Variants in RNF169 observed in about 807,000 individuals in gnomAD.
The protein encoded by RNF169 is E3 ubiquitin-protein ligase RNF169.
RNF169 carries 24 observed loss-of-function variants against 53.9 expected under a neutral mutation model. That is an observed-to-expected ratio of 0.45 (90% CI 0.32 to 0.63). RNF169 has a LOEUF of 0.63. Among genes scored for constraint, RNF169 ranks in the 20% least tolerant of loss-of-function variants. The probability of loss-of-function intolerance (pLI) is 0.04; values close to 1 mark genes in which losing one functional copy is unlikely to be tolerated. For missense variants in RNF169, 883 were observed against 906.2 expected, an observed-to-expected ratio of 0.97 and a Z score of 0.33; for synonymous variants, 396 against 363.5, an observed-to-expected ratio of 1.09 and a Z score of -1.02.
intron 4 of RNF169, among the ~76,000 whole-genome samples, chr11:74,827,338 A>C (rs1235370459): frequency 6.6e-6 from 1 of 152,216 alleles, no homozygotes; most frequent in East Asian, 1.9e-4. Context: ...CCCTGGGCCC[A>C]GCCCACGAAA....
intron 1 of RNF169, among the ~76,000 whole-genome samples, chr11:74,785,197 G>GTT (rs1491224972): frequency 1.8e-5 from 2 of 111,072 alleles, no homozygotes; most frequent in South Asian, 2.6e-4. Context: ...ATATATATAT[G>GTT]ATATATATAT....
intron 3 of RNF169, among the ~76,000 whole-genome samples, chr11:74,813,615 T>TA (rs1444139417): frequency 6.6e-6 from 1 of 152,246 alleles, no homozygotes; most frequent in Non-Finnish European, 1.5e-5. Context: ...AACATATAGA[T>TA]ACATTCATTT....
At position 74,767,373 on chromosome 11, in the gene RNF169, C is replaced by A. The variant is rs1016909684; in HGVS notation, c.502+17991C>A. Among the ~76,000 whole-genome samples, 172 of 151,930 alleles carry A rather than the reference C, an allele frequency of 1.1e-3. 1 individual carries two copies. The highest frequency in any genetic ancestry group is 4.0e-3 in the African/African-American group (165 of 41,446). ...TTTATCATTTATTATTTAAAAAAAA[C>A]TAGAACATGTGGAATAGGAGAAAGT... On this transcript the variant is annotated intron_variant, in intron 1 of 5. Transcript: ENST00000299563.
chr11:74,826,827 T>A (rs1318278854), intron 4 of RNF169, among the ~76,000 whole-genome samples: 1 of 152,236 alleles, frequency 6.6e-6, no homozygotes, highest in East Asian at 1.9e-4. Context: ...GTCACACTGG[T>A]GCAAGAGGTG....
chr11:74,840,597 A>C lies in RNF169; in HGVS notation c.*3867A>C, dbSNP rs1002184831. On this transcript the variant is annotated 3_prime_UTR_variant, in exon 6 of 6. Coordinates refer to ENST00000299563, the MANE Select transcript of RNF169 (RefSeq NM_001098638.2). Reference sequence around the variant, plus strand: ...TCAGTAACCACCTAATCTCTCCCCCAACCTGATCTCTCATCAGAGCTGGCA... The same window carrying C: ...TCAGTAACCACCTAATCTCTCCCCCCACCTGATCTCTCATCAGAGCTGGCA... 9 of 152,126 alleles carry C rather than the reference A, an allele frequency of 5.9e-5. No homozygotes were observed. The highest frequency in any genetic ancestry group is 1.3e-4 in the Non-Finnish European group (9 of 68,004). The allele number at this position is 152,126 out of a possible 1,614,324, so 9.4% of individuals were successfully genotyped here.
At chr11:74,783,300 C>T (rs1198055244) in intron 1 of RNF169, among the ~76,000 whole-genome samples, 1 of 150,612 alleles carries the variant, frequency 6.6e-6, no homozygotes, top group African/African-American at 2.4e-5. Context: ...AATCCTTTTT[C>T]AGGAAGGATC....
chr11:74,816,722 T>C (rs2035945497), intron 3 of RNF169, among the ~76,000 whole-genome samples: 1 of 152,194 alleles, frequency 6.6e-6, no homozygotes. Context: ...TTTGAAAGAC[T>C]GTGGTACGTG....
At chr11:74,754,547 G>A (rs1242428968) in intron 1 of RNF169, among the ~76,000 whole-genome samples, 2 of 152,166 alleles carry the variant, frequency 1.3e-5, no homozygotes, top group African/African-American at 2.4e-5. Context: ...TAGGCCAGGC[G>A]CGGTGGCTCA....
chr11:74,832,392 G>C (rs530265318), intron 4 of RNF169: 54 of 151,822 alleles, frequency 3.6e-4, no homozygotes, highest in African/African-American at 1.1e-3. Flanking sequence ...GGCATGTGAA[G>C]ATGTTCTCCC....
chr11:74,778,130 C>A (rs561511998), intron 1 of RNF169, among the ~76,000 whole-genome samples: 1 of 152,240 alleles, frequency 6.6e-6, no homozygotes, highest in East Asian at 1.9e-4. Flanking sequence ...CATCTGTCAT[C>A]GTCTCCCTAG....
intron 2 of RNF169, among the ~76,000 whole-genome samples, chr11:74,791,131 C>T (rs1472740924): frequency 4.6e-5 from 7 of 152,168 alleles, no homozygotes; most frequent in Admixed American, 2.6e-4. Context: ...ACAGGCAGGT[C>T]GTCCGGACAT....
chr11:74,789,554 C>T, intron 1 of RNF169, 72 bp from the exon 2 acceptor site: 1 of 855,996 alleles, frequency 1.2e-6, no homozygotes, highest in South Asian at 1.4e-5. Context: ...ATATAACCCA[C>T]ATGTATTGTG....
intron 2 of RNF169, among the ~76,000 whole-genome samples, chr11:74,794,496 G>C (rs2035620209): frequency 6.6e-6 from 1 of 152,214 alleles, no homozygotes; most frequent in African/African-American, 2.4e-5. Flanking sequence ...TGGAAAGCTA[G>C]GAAGTGGTGG....
rs1591439364 is a variant in RNF169, at chr11:74,839,812, G to A, written c.*3082G>A. 1 of 152,264 alleles carries A rather than the reference G, an allele frequency of 6.6e-6. No homozygotes were observed. Among genetic ancestry groups the A allele is most frequent in the African/African-American group, 2.4e-5 (1 of 41,538 alleles). 9.4% of individuals were successfully genotyped at this position (152,264 alleles called of 1,614,324 possible). ...GGAAGAAGTCATCTGGGCCTGTTGG[G>A]TTGGTATCAGATCAGGGGATTATGC... is the stretch of plus-strand genomic sequence containing the variant. On this transcript the variant is annotated 3_prime_UTR_variant, in exon 6 of 6. Coordinates refer to ENST00000299563, the MANE Select transcript of RNF169 (RefSeq NM_001098638.2).
chr11:74,783,757 G>T (rs572318333), intron 1 of RNF169, among the ~76,000 whole-genome samples: 7 of 152,224 alleles, frequency 4.6e-5, no homozygotes, highest in Admixed American at 6.5e-5. Flanking sequence ...TCCTCTTTTC[G>T]GGTGGAGGAA....
At position 74,821,429 on chromosome 11, in the gene RNF169, C is replaced by T. The variant is rs961756057; in HGVS notation, c.842+3715C>T. Among the ~76,000 whole-genome samples, 6 of 69,574 alleles carry T rather than the reference C, an allele frequency of 8.6e-5. 2 individuals carry two copies. The South Asian group carries it at 1.9e-3, about 22-fold the overall frequency. 45.6% of individuals were successfully genotyped at this position (69,574 alleles called of 152,430 possible). On this transcript the variant is annotated intron_variant, in intron 4 of 5. Transcript: ENST00000299563. ...ATCCCAGCACTTTGGGAGGCCGAGG[C>T]GGGCGGATCACGAGGTCAGGAGATC... is the stretch of plus-strand genomic sequence containing the variant.
intron 4 of RNF169, among the ~76,000 whole-genome samples, chr11:74,828,983 A>G (rs1276305643): frequency 6.6e-6 from 1 of 152,236 alleles, no homozygotes. Flanking sequence ...CAAAAGTAAA[A>G]TTGATGAATT....
At chr11:74,792,327 G>A (rs2035590511) in intron 2 of RNF169, among the ~76,000 whole-genome samples, 1 of 152,178 alleles carries the variant, frequency 6.6e-6, no homozygotes, top group African/African-American at 2.4e-5. Context: ...GAAGCTATCA[G>A]CTGGAAGGTA....
At chr11:74,788,268 C>G (rs1186459339) in intron 1 of RNF169, among the ~76,000 whole-genome samples, 1 of 151,116 alleles carries the variant, frequency 6.6e-6, no homozygotes, top group Non-Finnish European at 1.5e-5. Flanking sequence ...GATATGTATT[C>G]TATTCATTGG....
Sources: allele counts gnomAD v4.1 joint callset (sites outside exome capture counted in the v4.1 genomes callset), GRCh38; gene constraint gnomAD v4.1.1; transcripts MANE v1.5; gene names NCBI Gene and HGNC (gene_info 2026-07-23, HGNC 2026-07-21).